Variants in DIAPH3 observed in about 807,000 individuals in gnomAD.
DIAPH3 encodes the protein protein diaphanous homolog 3.
In DIAPH3, 117 loss-of-function variants were observed where a neutral mutation model predicts 144.3. The ratio of observed to expected loss-of-function variants is 0.81; its 90% CI spans 0.70 to 0.95. The LOEUF (loss-of-function observed/expected upper bound fraction) is 0.95. Among genes scored for constraint, DIAPH3 ranks in the 40% least tolerant of loss-of-function variants. The pLI, the probability that DIAPH3 is intolerant of heterozygous loss-of-function variation, is 0.00. For synonymous variants in DIAPH3, 519 were observed against 488.9 expected (o/e 1.06, Z -0.81); for missense variants, 1,421 against 1,412.7 (o/e 1.01, Z -0.09).
chr13:59,795,020 T>C (rs1314357958), intron 25 of DIAPH3, among the ~76,000 whole-genome samples: 3 of 152,260 alleles, frequency 2.0e-5, no homozygotes, highest in Non-Finnish European at 2.9e-5. Flanking sequence ...TTGTCTTTCA[T>C]AGTTCATTCT....
At chr13:60,143,971 A>AT (rs763649613) in intron 1 of DIAPH3, among the ~76,000 whole-genome samples, 12 of 152,200 alleles carry the variant, frequency 7.9e-5, no homozygotes, top group Non-Finnish European at 1.8e-4. Context: ...CTTCATTATT[A>AT]TGGAGAAATG....
At chr13:59,711,449 T>C (rs2034733801) in intron 27 of DIAPH3, among the ~76,000 whole-genome samples, 1 of 152,132 alleles carries the variant, frequency 6.6e-6, no homozygotes, top group Non-Finnish European at 1.5e-5. Flanking sequence ...CTTTTGTTAT[T>C]ACCACAATGA....
intron 27 of DIAPH3, among the ~76,000 whole-genome samples, chr13:59,733,337 C>G (rs953631245): frequency 1.3e-5 from 2 of 151,936 alleles, no homozygotes; most frequent in African/African-American, 4.8e-5. Flanking sequence ...ATAACAAAGC[C>G]AGAACTTAAT....
intron 2 of DIAPH3, among the ~76,000 whole-genome samples, chr13:60,113,261 T>C (rs970335231): frequency 1.2e-4 from 19 of 152,162 alleles, no homozygotes; most frequent in Admixed American, 6.5e-5. Context: ...CTAATACATA[T>C]AGAACATTTC....
chr13:59,865,372 G>A (rs1236345996), intron 21 of DIAPH3, among the ~76,000 whole-genome samples: 2 of 151,948 alleles, frequency 1.3e-5, no homozygotes, highest in Non-Finnish European at 2.9e-5. Flanking sequence ...TGTTGAAGAT[G>A]AGTAACAACT....
chr13:59,884,191 T>C (rs984291474), intron 20 of DIAPH3, among the ~76,000 whole-genome samples: 2 of 152,192 alleles, frequency 1.3e-5, no homozygotes, highest in South Asian at 2.1e-4. Context: ...AAGATCTAGG[T>C]TGCATGCTCC....
intron 18 of DIAPH3, among the ~76,000 whole-genome samples, chr13:59,919,804 A>C (rs749187417): frequency 2.0e-5 from 3 of 152,128 alleles, no homozygotes; most frequent in Non-Finnish European, 2.9e-5. Context: ...TGTATCTTTA[A>C]AAGGGAGAAT....
intron 4 of DIAPH3, chr13:60,044,153 T>C (rs1377328167): frequency 6.6e-6 from 1 of 152,174 alleles, no homozygotes; most frequent in East Asian, 1.9e-4. Context: ...ATGAGGATGG[T>C]GAACTAACAA....
rs1346402188 is a variant in DIAPH3 at position 60,163,639 on chromosome 13, T to A, written c.128A>T (p.His43Leu). 2 of 1,605,534 alleles carry A rather than the reference T, an allele frequency of 1.2e-6. No homozygotes were observed. Among genetic ancestry groups the A allele is most frequent in the African/African-American group, 1.3e-5 (1 of 74,556 alleles). ...SKMPRRKGPQHPPPPSGPEEP... is the reference protein window; with the variant it reads ...SKMPRRKGPQLPPPPSGPEEP... ...CTCGGGGCCACTGGGCGGCGGAGGG[T>A]GTTGGGGGCCCTTCCTGCGCGGCAT... is the stretch of plus-strand genomic sequence containing the variant. Residue 43 changes from histidine to leucine, a missense_variant, in exon 1 of 28, where the codon CAC (histidine) becomes CTC (leucine). Physicochemically the swap from His to Leu is moderately conservative, Grantham distance 99. Coordinates refer to ENST00000400324, the MANE Select transcript of DIAPH3 (RefSeq NM_001042517.2).
At chr13:60,097,787 AAAGAG>A (rs2058149982) in intron 3 of DIAPH3, among the ~76,000 whole-genome samples, 2 of 150,212 alleles carry the variant, frequency 1.3e-5, no homozygotes, top group African/African-American at 5.1e-5. Context: ...AGAAAAAAAA[AAAGAG>A]AGAGAGAGAG....
intron 4 of DIAPH3, among the ~76,000 whole-genome samples, chr13:60,079,018 G>C (rs2057461850): frequency 6.6e-6 from 1 of 151,966 alleles, no homozygotes; most frequent in Non-Finnish European, 1.5e-5. Flanking sequence ...TATGCGTGCT[G>C]GAAGCCAATA....
At chr13:59,967,293 T>C (rs1005796091) in intron 17 of DIAPH3, among the ~76,000 whole-genome samples, 1 of 151,920 alleles carries the variant, frequency 6.6e-6, no homozygotes, top group African/African-American at 2.4e-5. Flanking sequence ...CAGGCTGGTC[T>C]CAAACTCCTG....
At chr13:60,013,336 C>T (rs1322846585) in intron 7 of DIAPH3, 1 of 382,308 alleles carries the variant, frequency 2.6e-6, no homozygotes, top group African/African-American at 2.2e-5. Flanking sequence ...TCTGGACGCA[C>T]ACAGCATGAC....
In DIAPH3 at chr13:60,132,003, G is replaced by C. The variant is rs142016240; in HGVS notation, c.213+954C>G. Among the ~76,000 whole-genome samples, 286 of 152,284 alleles carry C rather than the reference G, an allele frequency of 1.9e-3. 2 individuals are homozygous for C. The highest frequency in any genetic ancestry group is 7.7e-4 in the East Asian group (4 of 5,190). On this transcript the variant is annotated intron_variant, in intron 2 of 27. Coordinates refer to ENST00000400324, the MANE Select transcript of DIAPH3 (RefSeq NM_001042517.2). ...AATAAAGACATCTACCTTGCAAGGT[G>C]AGAAATCTGTATTGTTACCAATTTC...
intron 21 of DIAPH3, among the ~76,000 whole-genome samples, chr13:59,870,795 CT>C (rs1195995996): frequency 6.6e-6 from 1 of 151,934 alleles, no homozygotes; most frequent in African/African-American, 2.4e-5. Flanking sequence ...CTCAGCCTCC[CT>C]AGTAGCTGGG....
intron 2 of DIAPH3, among the ~76,000 whole-genome samples, chr13:60,114,412 C>T (rs904950370): frequency 6.6e-6 from 1 of 151,856 alleles, no homozygotes; most frequent in African/African-American, 2.4e-5. Flanking sequence ...GTTCCAAACT[C>T]AAACACAAAC....
chr13:59,779,003 T>A (rs1322323453), intron 25 of DIAPH3, among the ~76,000 whole-genome samples: 1 of 152,238 alleles, frequency 6.6e-6, no homozygotes, highest in East Asian at 1.9e-4. Flanking sequence ...CAACAATGAT[T>A]TCAATTGTAT....
intron 3 of DIAPH3, among the ~76,000 whole-genome samples, chr13:60,110,211 T>C (rs1345273058): frequency 1.3e-5 from 2 of 152,194 alleles, no homozygotes; most frequent in Non-Finnish European, 2.9e-5. Flanking sequence ...TTGATAATGA[T>C]AAATAAGAAC....
At chr13:59,697,690 A>G (rs1396359760) in intron 27 of DIAPH3, among the ~76,000 whole-genome samples, 1 of 152,094 alleles carries the variant, frequency 6.6e-6, no homozygotes, top group Non-Finnish European at 1.5e-5. Flanking sequence ...CTTCCCTGTG[A>G]GGCCCACCAT....
Sources: allele counts gnomAD v4.1 joint callset (sites outside exome capture counted in the v4.1 genomes callset), GRCh38; gene constraint gnomAD v4.1.1; transcripts MANE v1.5; gene names NCBI Gene and HGNC (gene_info 2026-07-23, HGNC 2026-07-21).